The following ZNF483 variants were observed in gnomAD, a reference collection of about 807,000 sequenced individuals.
ZNF483 encodes the protein zinc finger protein HIT-10.
Under a neutral mutation model 28.6 loss-of-function variants are expected in ZNF483, and 9 were observed. The ratio of observed to expected loss-of-function variants is 0.32; its 90% confidence interval spans 0.19 to 0.55. The LOEUF is 0.55. Ranked by LOEUF, ZNF483 falls within the 20% of genes least tolerant of loss-of-function variation. ZNF483 has a pLI of 0.93. For synonymous variants in ZNF483, 322 were observed against 306.2 expected (o/e 1.05, Z -0.54); for missense variants, 675 against 871.7 (o/e 0.77, Z 2.84).
intron 3 of ZNF483, among the ~76,000 whole-genome samples, chr9:111,533,349 G>A (rs1420986958): frequency 2.0e-5 from 3 of 152,076 alleles, no homozygotes; most frequent in Non-Finnish European, 4.4e-5. Flanking sequence ...GCTTTCTTTG[G>A]AATTCTTAAA....
At chr9:111,562,988 T>C (rs1828377165) in intron 5 of ZNF483, 1 of 1,424,904 alleles carries the variant, frequency 7.0e-7, no homozygotes, top group African/African-American at 1.4e-5. Flanking sequence ...TTAAATGTAT[T>C]TTATTAAGTA....
Position 111,560,659 on chromosome 9 carries a change from A to C in ZNF483, c.722-15706A>C, listed in dbSNP as rs1434850489. ...CTCAAAAAAAAAAAAAAAAAAAAAA[A>C]GGCACCACGCACGGTGGTTCACGCG... On this transcript the variant is annotated intron_variant, in intron 5 of 5. Transcript: ENST00000358151. 7.6e-5 allele frequency among the ~76,000 whole-genome samples: 11 copies of C among 143,812 alleles called. No individual in the cohort carries two copies. In the East Asian group the frequency reaches 2.3e-3, roughly 30 times the overall value. 94.3% of individuals were successfully genotyped at this position (143,812 alleles called of 152,430 possible). A position where few individuals can be genotyped will look rare whatever the true frequency, so the allele number is the denominator to read the frequency against.
chr9:111,555,623 G>A (rs537103119), downstream of ZNF483, among the ~76,000 whole-genome samples: 1 of 152,318 alleles, frequency 6.6e-6, no homozygotes, highest in East Asian at 1.9e-4. Flanking sequence ...AGTCATGGCA[G>A]AAGGGCAAAG....
At position 111,561,140 on chromosome 9, in the gene ZNF483, AGAGAGAG is replaced by A. The variant is rs1564608057; in HGVS notation, c.722-15223_722-15217del. Among the ~76,000 whole-genome samples the A allele has an allele frequency of 8.0e-4, 28 of 34,926 alleles. 2 individuals are homozygous for A. Among genetic ancestry groups the A allele is most frequent in the African/African-American group, 4.2e-3 (21 of 5,024 alleles). 22.9% of individuals were successfully genotyped at this position (34,926 alleles called of 152,430 possible). A position where few individuals can be genotyped will look rare whatever the true frequency, so the allele number is the denominator to read the frequency against. ...AGAGAGAGAGAGAGAGAGAGAGAGG[AGAGAGAG>A]GGAGAGAGAGAGAGAGAGAGAGAGA... On this transcript the variant is annotated intron_variant, in intron 5 of 5. Coordinates refer to the ZNF483 transcript ENST00000358151.
In ZNF483 at chr9:111,549,257, A is replaced by G. The variant is rs1039152672; in HGVS notation, c.*6087A>G. Among the ~76,000 whole-genome samples, 2 of 152,158 alleles carry G rather than the reference A, an allele frequency of 1.3e-5. No individual in the cohort carries two copies. Among genetic ancestry groups the G allele is most frequent in the Admixed American group, 1.3e-4 (2 of 15,270 alleles). Reference sequence around the variant, plus strand: ...GGAATTTCTTGATCACTGGGGAGAAATATCTTACAATTCTGAAAACACACT... The same window carrying G: ...GGAATTTCTTGATCACTGGGGAGAAGTATCTTACAATTCTGAAAACACACT... On this transcript the variant is annotated 3_prime_UTR_variant, in exon 6 of 6. Transcript: ENST00000309235.
At chr9:111,560,897 C>T (rs1483424782) in intron 5 of ZNF483, among the ~76,000 whole-genome samples, 1 of 142,232 alleles carries the variant, frequency 7.0e-6, no homozygotes, top group African/African-American at 2.6e-5. Flanking sequence ...GAGTGGAGAT[C>T]GCACCACTGC....
In ZNF483 at chr9:111,552,499, GACTTA is replaced by G. The variant is rs879322206; in HGVS notation, c.*9335_*9339del. Among the ~76,000 whole-genome samples the G allele has an allele frequency of 9.9e-5, 15 of 152,178 alleles. No homozygotes were observed. The highest frequency in any genetic ancestry group is 2.7e-4 in the African/African-American group (11 of 41,452). ...AAAATTCCAACATGGATGGTCTTTTGACTTAACTTAGCTGGAGTTCCATCCTTGTG... is the reference window on the plus strand; with the variant it reads ...AAAATTCCAACATGGATGGTCTTTTGACTTAGCTGGAGTTCCATCCTTGTG... On this transcript the variant is annotated 3_prime_UTR_variant, in exon 6 of 6. Transcript: ENST00000309235.
In ZNF483 at chr9:111,527,421, A is replaced by G. The variant is rs764427879; in HGVS notation, c.26A>G (p.Lys9Arg). 6 of 1,613,918 alleles carry G rather than the reference A, an allele frequency of 3.7e-6. No individual in the cohort carries two copies. The highest frequency in any genetic ancestry group is 4.2e-6 in the Non-Finnish European group (5 of 1,180,002). Reference sequence around the variant, plus strand: ...ATGCAAGCTGTAGTGCCCTTGAACAAGATGACAGCCATCTCACCAGAACCT... The same window carrying G: ...ATGCAAGCTGTAGTGCCCTTGAACAGGATGACAGCCATCTCACCAGAACCT... MQAVVPLN[K>R]MTAISPEPQT... Residue 9 changes from lysine to arginine, a missense_variant, in exon 2 of 6, where the codon AAG becomes AGG. This residue lies in a region of ZNF483 where 525 missense variants were observed against 581.8 expected (regional missense o/e 0.90). Transcript: ENST00000309235.
At chr9:111,557,491 G>C (rs1168979576), downstream of ZNF483, among the ~76,000 whole-genome samples, 1 of 151,714 alleles carries the variant, frequency 6.6e-6, no homozygotes, top group Non-Finnish European at 1.5e-5. Flanking sequence ...TGTCTCTCAG[G>C]CTGGAGTGCA....
intron 5 of ZNF483, among the ~76,000 whole-genome samples, chr9:111,540,513 CT>C (rs1432601725): frequency 6.6e-6 from 1 of 152,080 alleles, no homozygotes; most frequent in Non-Finnish European, 1.5e-5. Context: ...ACTCTAGGCC[CT>C]GTTGAATTTA....
rs574678354 is a variant in ZNF483, at chr9:111,543,250, T to C, written c.*80T>C. ...ACCCTGGGATGTAAACTTACAGTAT[T>C]GATCAGTAGCTGCAGCTTTCGTAAA... On this transcript the variant is annotated 3_prime_UTR_variant, in exon 6 of 6. Coordinates refer to ENST00000309235, the MANE Select transcript of ZNF483 (RefSeq NM_133464.5). 3.0e-4 allele frequency: 453 copies of C among 1,499,432 alleles called. 1 individual carries two copies. The African/African-American group carries it at 5.7e-3, about 19-fold the overall frequency. The allele number at this position is 1,499,432 out of a possible 1,614,324, so 92.9% of individuals were successfully genotyped here.
intron 5 of ZNF483, among the ~76,000 whole-genome samples, chr9:111,570,506 C>T (rs1324172004): frequency 2.6e-5 from 4 of 151,992 alleles, no homozygotes; most frequent in African/African-American, 9.7e-5. Flanking sequence ...CGCGGTGGCT[C>T]ACACCTGTAA....
Position 111,551,400 on chromosome 9 carries a change from G to GTTTTTTTTTT in ZNF483, c.*8246_*8255dup, listed in dbSNP as rs58638722. 6.7e-5 allele frequency among the ~76,000 whole-genome samples: 5 copies of GTTTTTTTTTT among 74,432 alleles called. No homozygotes were observed. The highest frequency in any genetic ancestry group is 4.5e-4 in the East Asian group (1 of 2,224). The allele number at this position is 74,432 out of a possible 152,430, so 48.8% of individuals were successfully genotyped here. A position where few individuals can be genotyped will look rare whatever the true frequency, so the allele number is the denominator to read the frequency against. On this transcript the variant is annotated 3_prime_UTR_variant, in exon 6 of 6. Coordinates refer to ENST00000309235, the MANE Select transcript of ZNF483 (RefSeq NM_133464.5). ...TAACTGAATCAAGTATCCAGTTTTTGTTTTTTTTTTTTTTTTTTTTTTTTT... is the reference window on the plus strand; with the variant it reads ...TAACTGAATCAAGTATCCAGTTTTTGTTTTTTTTTTTTTTTTTTTTTTTTTTTTTTTTTTT...
chr9:111,563,416 A>G, intron 5 of ZNF483: 1 of 512,932 alleles, frequency 1.9e-6, no homozygotes, highest in Non-Finnish European at 3.4e-6. Flanking sequence ...TACATGTAAA[A>G]AAGATTACAA....
rs1827885218 is a variant in ZNF483 at position 111,549,766 on chromosome 9, T to G, written c.*6596T>G. ...ACATATTCCCTTCATTTTTCTGCTT[T>G]GAAGCTTCAATCTTCTTCATTTTCT... is the stretch of plus-strand genomic sequence containing the variant. On this transcript the variant is annotated 3_prime_UTR_variant, in exon 6 of 6. Transcript: ENST00000309235. 1.3e-6 allele frequency: 2 copies of G among 1,550,318 alleles called. No homozygotes were observed. The highest frequency in any genetic ancestry group is 1.7e-6 in the Non-Finnish European group (2 of 1,146,160).
intron 5 of ZNF483, among the ~76,000 whole-genome samples, chr9:111,565,275 GA>G (rs1828505436): frequency 6.6e-6 from 1 of 152,172 alleles, no homozygotes; most frequent in South Asian, 2.1e-4. Flanking sequence ...AAGTTGAAAA[GA>G]GAGAGGCCTG....
At position 111,553,027 on chromosome 9, in the gene ZNF483, C is replaced by A. The variant is rs758910154; in HGVS notation, c.*9857C>A. 7.9e-5 allele frequency among the ~76,000 whole-genome samples: 12 copies of A among 152,142 alleles called. No individual in the cohort carries two copies. The highest frequency in any genetic ancestry group is 2.9e-5 in the Non-Finnish European group (2 of 68,016). On this transcript the variant is annotated 3_prime_UTR_variant, in exon 6 of 6. Coordinates refer to ENST00000309235, the MANE Select transcript of ZNF483 (RefSeq NM_133464.5). ...AGCTTGCCAGGTTTACAAACTCAGA[C>A]CCTTTTAAAAGTTGTTTAAATTGTT...
intron 5 of ZNF483, chr9:111,574,500 C>T (rs1211697893): frequency 3.6e-6 from 1 of 277,362 alleles, no homozygotes; most frequent in Non-Finnish European, 6.8e-6. Flanking sequence ...AGGTGTACAC[C>T]ACCACACCCA....
At chr9:111,533,686 C>A in intron 3 of ZNF483, 53 bp from the exon 4 acceptor site, 2 of 1,494,828 alleles carry the variant, frequency 1.3e-6, no homozygotes, top group Non-Finnish European at 8.9e-7. Flanking sequence ...AAAAAAAGTA[C>A]TTAGGTTCTA....
Sources: gnomAD v4.1 joint callset for allele counts (sites outside exome capture counted in the v4.1 genomes callset) on GRCh38, gnomAD v4.1.1 for gene constraint, gnomAD v4.1.1 regional missense constraint, MANE v1.5 for transcripts, NCBI Gene and HGNC (gene_info 2026-07-23, HGNC 2026-07-21) for gene names.